PTH2R: variants seen among roughly 807,000 people sequenced by gnomAD.
PTH2R encodes PTH2 receptor.
PTH2R carries 59 observed loss-of-function variants against 60.3 expected under a neutral mutation model. That is an observed-to-expected ratio of 0.98 (90% confidence interval 0.79 to 1.22). The LOEUF (loss-of-function observed/expected upper bound fraction) is 1.22. Ranked by LOEUF, PTH2R falls within the 50% of genes most tolerant of loss-of-function variation. The pLI is 0.00. For synonymous variants in PTH2R, 256 were observed against 243.8 expected (o/e 1.05, Z -0.47); for missense variants, 749 against 682.6 (o/e 1.10, Z -1.08).
rs1160183458 is a variant in PTH2R, at chr2:208,481,525, A to C, written c.1076+361A>C. ...CATACCCGGCCTTTGGTTACTATTT[A>C]AGTAAAGAACAGATATAAATTGATT... On this transcript the variant is annotated intron_variant, in intron 10 of 12. Coordinates refer to ENST00000272847, the MANE Select transcript of PTH2R (RefSeq NM_005048.4). Among the ~76,000 whole-genome samples, 7 of 152,230 alleles carry C rather than the reference A, an allele frequency of 4.6e-5. No individual in the cohort carries two copies. In the East Asian group the frequency reaches 1.3e-3, roughly 29 times the overall value.
Position 208,450,826 on chromosome 2 carries a change from G to C in PTH2R, c.914+17G>C, listed in dbSNP as rs200222598. 3.5e-4 allele frequency: 567 copies of C among 1,612,732 alleles called. No homozygotes were observed. The highest frequency in any genetic ancestry group is 4.5e-4 in the Non-Finnish European group (536 of 1,178,838). ...TGATGCGAGGTGAGTGAAAAGGCAG[G>C]GGAAACGAGAGAACCTCAGATGTTC... On this transcript the variant is annotated intron_variant, in intron 8 of 12. Transcript: ENST00000272847.
intron 1 of PTH2R, among the ~76,000 whole-genome samples, chr2:208,368,111 G>A (rs117250054): frequency 0.013 from 1,961 of 152,234 alleles, 98 homozygotes; most frequent in Admixed American, 0.091. Context: ...TTTATATGCT[G>A]TCCTCTTAGA....
chr2:208,377,353 C>G (rs1043389097), intron 1 of PTH2R, among the ~76,000 whole-genome samples: 3 of 152,102 alleles, frequency 2.0e-5, no homozygotes, highest in African/African-American at 4.8e-5. Context: ...AAACCGCCAT[C>G]GTCATCATGG....
At chr2:208,381,574 C>T (rs552152049) in intron 1 of PTH2R, among the ~76,000 whole-genome samples, 121 of 152,194 alleles carry the variant, frequency 8.0e-4, no homozygotes, top group African/African-American at 2.8e-3. Context: ...AGACCTGAGC[C>T]ATGGTGTCCA....
At chr2:208,375,315 A>G (rs1392688223) in intron 1 of PTH2R, among the ~76,000 whole-genome samples, 3 of 152,094 alleles carry the variant, frequency 2.0e-5, no homozygotes, top group Non-Finnish European at 4.4e-5. Context: ...AATTTCAAGT[A>G]CCTTGAGAAG....
chr2:208,372,240 G>A (rs1256749836), intron 1 of PTH2R, among the ~76,000 whole-genome samples: 1 of 152,112 alleles, frequency 6.6e-6, no homozygotes, highest in Non-Finnish European at 1.5e-5. Context: ...TATGTGATAA[G>A]CACTGTTAGA....
rs1703135094 is a variant in PTH2R at position 208,481,052 on chromosome 2, T to C, written c.982-18T>C. The C allele has an allele frequency of 1.3e-6, 2 of 1,509,334 alleles. No individual in the cohort carries two copies. Among genetic ancestry groups the C allele is most frequent in the South Asian group, 1.2e-5 (1 of 84,824 alleles). 93.5% of individuals were successfully genotyped at this position (1,509,334 alleles called of 1,614,324 possible). ...GAAGACTAACAATAATTCTTTGTAA[T>C]CTTACCTTCTTTTTCAGCTGAATTT... On this transcript the variant is annotated intron_variant, in intron 9 of 12. Transcript: ENST00000272847.
chr2:208,407,397 G>A (rs144819736), intron 1 of PTH2R, among the ~76,000 whole-genome samples: 1 of 152,212 alleles, frequency 6.6e-6, no homozygotes, highest in Non-Finnish European at 1.5e-5. Context: ...CAGCGGAGTC[G>A]TGGATCAAGA....
chr2:208,370,655 A>T (rs1473265534), intron 1 of PTH2R, among the ~76,000 whole-genome samples: 1 of 151,922 alleles, frequency 6.6e-6, no homozygotes, highest in Non-Finnish European at 1.5e-5. Flanking sequence ...CCAGCACCTA[A>T]TATGAGTCTT....
At chr2:208,431,017 C>T (rs1259282001) in intron 2 of PTH2R, among the ~76,000 whole-genome samples, 1 of 152,096 alleles carries the variant, frequency 6.6e-6, no homozygotes, top group Non-Finnish European at 1.5e-5. Flanking sequence ...TGAAATTTTG[C>T]TCCCCTTTAT....
chr2:208,428,004 G>A (rs905586527), intron 1 of PTH2R, among the ~76,000 whole-genome samples, 197 bp from the exon 2 acceptor site: 2 of 151,572 alleles, frequency 1.3e-5, no homozygotes, highest in Non-Finnish European at 2.9e-5. Context: ...TTTTTAAAAG[G>A]CTAATCAGGT....
chr2:208,481,138 TG>T lies in PTH2R; in HGVS notation c.1053del (p.His352MetfsTer19). The T allele has an allele frequency of 2.5e-6, 4 of 1,610,380 alleles. No homozygotes were observed. The highest frequency in any genetic ancestry group is 3.4e-6 in the Non-Finnish European group (4 of 1,176,850). ...ATKIWETNAV[G>X]HDTRKQYRKL... Reference sequence around the variant, plus strand: ...CCAAAATCTGGGAGACCAATGCAGTTGGGCATGACACAAGGAAGCAATACAG... The same window carrying T: ...CCAAAATCTGGGAGACCAATGCAGTTGGCATGACACAAGGAAGCAATACAG... On this transcript the variant is annotated frameshift_variant, in exon 10 of 13. Coordinates refer to ENST00000272847, the MANE Select transcript of PTH2R (RefSeq NM_005048.4). LOFTEE classifies it high-confidence loss of function.
intron 1 of PTH2R, among the ~76,000 whole-genome samples, chr2:208,395,844 T>C (rs147754876): frequency 0.078 from 11,819 of 152,110 alleles, 505 homozygotes; most frequent in African/African-American, 0.083. Context: ...AAAGAGCCCA[T>C]ATAGGCAAGA....
chr2:208,443,283 G>A (rs1321810291), intron 5 of PTH2R, 65 bp from the exon 6 acceptor site: 20 of 1,382,282 alleles, frequency 1.4e-5, no homozygotes, highest in Admixed American at 2.5e-5. Flanking sequence ...GGCAGCAGTC[G>A]CACTGGGTGT....
intron 10 of PTH2R, 22 bp from the exon 11 acceptor site, chr2:208,488,990 A>G: frequency 6.2e-7 from 1 of 1,612,908 alleles, no homozygotes; most frequent in Non-Finnish European, 8.5e-7. Context: ...AATGAATGAA[A>G]AGACTTGCTG....
chr2:208,488,906 G>A, intron 10 of PTH2R, 106 bp from the exon 11 acceptor site: 1 of 1,167,426 alleles, frequency 8.6e-7, no homozygotes, highest in Non-Finnish European at 1.2e-6. Context: ...GAAAGTGTCA[G>A]CCCCACCCCC....
At chr2:208,480,868 G>A (rs1703130971) in intron 9 of PTH2R, among the ~76,000 whole-genome samples, 1 of 152,160 alleles carries the variant, frequency 6.6e-6, no homozygotes. Context: ...CAGTGTTGTT[G>A]AAACTTTGTA....
chr2:208,439,347 CA>C (rs1206785460), intron 4 of PTH2R, among the ~76,000 whole-genome samples: 1 of 151,796 alleles, frequency 6.6e-6, no homozygotes, highest in Non-Finnish European at 1.5e-5. Context: ...ATTAAAAACA[CA>C]AAAAATGTTT....
chr2:208,438,064 C>A (rs1038164658), intron 4 of PTH2R, among the ~76,000 whole-genome samples, 183 bp downstream of exon 4: 1 of 152,162 alleles, frequency 6.6e-6, no homozygotes, highest in African/African-American at 2.4e-5. Flanking sequence ...TTTTCTATAG[C>A]CTAGAGCTAC....
Sources: allele counts gnomAD v4.1 joint callset (sites outside exome capture counted in the v4.1 genomes callset), GRCh38; gene constraint gnomAD v4.1.1; transcripts MANE v1.5; gene names NCBI Gene and HGNC (gene_info 2026-07-23, HGNC 2026-07-21).